IRX1: variants seen among roughly 807,000 people sequenced by gnomAD.
The protein encoded by IRX1 is iroquois-class homeodomain protein IRX-1.
In IRX1, 22 loss-of-function variants were observed where a neutral mutation model predicts 34.1. The ratio of observed to expected loss-of-function variants is 0.64; its 90% CI spans 0.46 to 0.92. The LOEUF is 0.92. Among genes scored for constraint, IRX1 ranks in the 40% least tolerant of loss-of-function variants. The pLI is 0.00. For synonymous variants in IRX1, 363 were observed against 319.0 expected (o/e 1.14, Z -1.47); for missense variants, 758 against 680.0 (o/e 1.11, Z -1.28).
chr5:3,599,638 T>A lies in IRX1; in HGVS notation c.690T>A (p.Ile230=), dbSNP rs1386076036. 6.2e-7 allele frequency: 1 copy of A among 1,613,268 alleles called. No individual in the cohort carries two copies. Among genetic ancestry groups the A allele is most frequent in the Non-Finnish European group, 8.5e-7 (1 of 1,179,938 alleles). The change falls in exon 2 of 4, where the codon ATT becomes ATA. Residue 230 remains isoleucine (I), a synonymous_variant. Coordinates refer to ENST00000302006, the MANE Select transcript of IRX1 (RefSeq NM_024337.4). The surrounding 1 kb of genome is among the most constrained non-coding windows in gnomAD (Gnocchi z 6.6). ...DEEIDLESID[I]DKIDEHDGDQ... is the part of the protein sequence containing the mutation. ...AGATCGACCTGGAAAGCATCGACAT[T>A]GACAAGATCGACGAGCACGATGGCG...
At position 3,600,043 on chromosome 5, in the gene IRX1, C is replaced by T. The variant is rs1733917810; in HGVS notation, c.1095C>T (p.Thr365=). The T allele has an allele frequency of 6.9e-6, 11 of 1,600,148 alleles. No homozygotes were observed. The highest frequency in any genetic ancestry group is 9.4e-6 in the Non-Finnish European group (11 of 1,172,338). The stretch of plus-strand genomic sequence containing the variant: ...TCCTGCCTAGCCACGGACTGTACAC[C>T]TGCCACATCGGCAAGTTCTCCAACT... ...PAFLPSHGLY[T]CHIGKFSNWT... is the part of the protein sequence containing the mutation. The change falls in exon 2 of 4, where the codon ACC becomes ACT. Residue 365 remains threonine (T), a synonymous_variant. Coordinates refer to ENST00000302006, the MANE Select transcript of IRX1 (RefSeq NM_024337.4).
rs754464271 is a variant in IRX1 at position 3,600,070 on chromosome 5, G to C, written c.1122G>C (p.Trp374Cys). 3 of 1,611,580 alleles carry C rather than the reference G, an allele frequency of 1.9e-6. No individual in the cohort carries two copies. The Admixed American group carries it at 5.0e-5, about 27-fold the overall frequency. ...GCCACATCGGCAAGTTCTCCAACTG[G>C]ACCAACAGCGCATTCCTCGCACAGG... is the stretch of plus-strand genomic sequence containing the variant. ...YTCHIGKFSN[W>C]TNSAFLAQGS... The change falls in exon 2 of 4, where the codon TGG (tryptophan) becomes TGC (cysteine). Residue 374 changes from tryptophan to cysteine, a missense_variant. Coordinates refer to ENST00000302006, the MANE Select transcript of IRX1 (RefSeq NM_024337.4).
At chr5:3,598,390 A>G (rs1398893439) in intron 1 of IRX1, among the ~76,000 whole-genome samples, 1 of 152,218 alleles carries the variant, frequency 6.6e-6, no homozygotes, top group African/African-American at 2.4e-5. Flanking sequence ...CCTCCAGATC[A>G]AAGTCAAACT....
At position 3,596,201 on chromosome 5, in the gene IRX1, T is replaced by C. The variant is rs1277290372; in HGVS notation, c.96T>C (p.Ala32=). 2 of 1,039,690 alleles carry C rather than the reference T, an allele frequency of 1.9e-6. No individual in the cohort carries two copies. Among genetic ancestry groups the C allele is most frequent in the African/African-American group, 3.5e-5 (2 of 57,648 alleles). 64.4% of individuals were successfully genotyped at this position (1,039,690 alleles called of 1,614,324 possible). A position where few individuals can be genotyped will look rare whatever the true frequency, so the allele number is the denominator to read the frequency against. ...GERPGVLAAA[A]AAAAAASSGR... ...GCCCGGGGGTGCTGGCCGCGGCCGC[T>C]GCGGCGGCTGCCGCCGCCTCGTCGG... The change falls in exon 1 of 4, where the codon GCT becomes GCC. Residue 32 remains alanine, a synonymous_variant. Transcript: ENST00000302006.
rs1743682306 is a variant in IRX1, at chr5:3,596,090, C to A, written c.-16C>A. 2 of 1,062,740 alleles carry A rather than the reference C, an allele frequency of 1.9e-6. No homozygotes were observed. Among genetic ancestry groups the A allele is most frequent in the Non-Finnish European group, 2.3e-6 (2 of 879,736 alleles). The allele number at this position is 1,062,740 out of a possible 1,614,324, so 65.8% of individuals were successfully genotyped here. A position where few individuals can be genotyped will look rare whatever the true frequency, so the allele number is the denominator to read the frequency against. ...TTTAATACTCGCCCGCTGCGGCGGT[C>A]GCCGAGTCCGCGGACATGTCCTTCC... On this transcript the variant is annotated 5_prime_UTR_variant, in exon 1 of 4. Coordinates refer to ENST00000302006, the MANE Select transcript of IRX1 (RefSeq NM_024337.4).
At chr5:3,597,759 G>T (rs1225060758) in intron 1 of IRX1, among the ~76,000 whole-genome samples, 1 of 152,142 alleles carries the variant, frequency 6.6e-6, no homozygotes, top group Non-Finnish European at 1.5e-5. Context: ...TTTTCTCTGC[G>T]GCCTCAGTCA....
At chr5:3,600,912 G>T in intron 3 of IRX1, 71 bp from the exon 4 acceptor site, 1 of 1,499,210 alleles carries the variant, frequency 6.7e-7, no homozygotes. Flanking sequence ...TACTGGAACC[G>T]GCGTCGCCCG....
At position 3,601,199 on chromosome 5, in the gene IRX1, T is replaced by C; in HGVS notation, c.*159T>C. 1.4e-6 allele frequency: 1 copy of C among 717,462 alleles called. No homozygotes were observed. The highest frequency in any genetic ancestry group is 2.3e-5 in the Admixed American group (1 of 43,710). The allele number at this position is 717,462 out of a possible 1,614,324, so 44.4% of individuals were successfully genotyped here. A position where few individuals can be genotyped will look rare whatever the true frequency, so the allele number is the denominator to read the frequency against. On this transcript the variant is annotated 3_prime_UTR_variant, in exon 4 of 4. Transcript: ENST00000302006. ...CCGTCGCTTTCTGCAGAAAGGGGCT[T>C]CTTCGGTCCCGAGCTCGCGTCCAGG...
At chr5:3,597,624 C>A (rs1458996583) in intron 1 of IRX1, among the ~76,000 whole-genome samples, 1 of 152,190 alleles carries the variant, frequency 6.6e-6, no homozygotes, top group Non-Finnish European at 1.5e-5. Context: ...GGTGTCCTTT[C>A]AAAAAGAATT....
intron 3 of IRX1, 44 bp downstream of exon 3, chr5:3,600,725 G>GA: frequency 6.4e-7 from 1 of 1,556,312 alleles, no homozygotes; most frequent in Non-Finnish European, 8.9e-7. Flanking sequence ...CGGTGGGGAG[G>GA]GGGGAGGAGG....
At position 3,595,989 on chromosome 5, in the gene IRX1, C is replaced by A; in HGVS notation, c.-117C>A. 2 of 632,182 alleles carry A rather than the reference C, an allele frequency of 3.2e-6. No homozygotes were observed. The highest frequency in any genetic ancestry group is 4.0e-6 in the Non-Finnish European group (2 of 505,668). 39.2% of individuals were successfully genotyped at this position (632,182 alleles called of 1,614,324 possible). Reference sequence around the variant, plus strand: ...GCCCGCCCGAGCGCGCCCGGCCGGCCGCCCGCTCCTCCCTAGACCCCTCGC... The same window carrying A: ...GCCCGCCCGAGCGCGCCCGGCCGGCAGCCCGCTCCTCCCTAGACCCCTCGC... On this transcript the variant is annotated 5_prime_UTR_variant, in exon 1 of 4. Transcript: ENST00000302006.
chr5:3,597,260 G>A (rs1414361151), intron 1 of IRX1, among the ~76,000 whole-genome samples: 2 of 152,186 alleles, frequency 1.3e-5, no homozygotes, highest in Admixed American at 1.3e-4. Context: ...CCTGTCTGCC[G>A]GTCCAAATCA....
chr5:3,600,835 G>C (rs921344495), intron 3 of IRX1, 148 bp from the exon 4 acceptor site: 75 of 1,134,454 alleles, frequency 6.6e-5, no homozygotes, highest in Non-Finnish European at 8.8e-5. Flanking sequence ...CGGGCGAGCC[G>C]AGGAGACTGG....
chr5:3,599,188 CCT>C lies in IRX1; in HGVS notation c.277-29_277-28del, dbSNP rs757774913. ...TCTCCCTTTCTCTCTCCACTTCCCTCCTCTCTCTCCTCGATGGATCTGCCCTG... is the reference window on the plus strand; with the variant it reads ...TCTCCCTTTCTCTCTCCACTTCCCTCCTCTCTCCTCGATGGATCTGCCCTG... On this transcript the variant is annotated intron_variant, in intron 1 of 3. Coordinates refer to ENST00000302006, the MANE Select transcript of IRX1 (RefSeq NM_024337.4). This position sits in a 1 kb window ranked among gnomAD's most constrained non-coding sequence, Gnocchi z 6.6. 2 of 1,577,266 alleles carry C rather than the reference CCT, an allele frequency of 1.3e-6. No individual in the cohort carries two copies. The highest frequency in any genetic ancestry group is 8.7e-7 in the Non-Finnish European group (1 of 1,155,130).
At chr5:3,600,834 C>A in intron 3 of IRX1, 149 bp from the exon 4 acceptor site, 1 of 1,143,496 alleles carries the variant, frequency 8.7e-7, no homozygotes, top group Admixed American at 1.9e-5. Flanking sequence ...CCGGGCGAGC[C>A]GAGGAGACTG....
At chr5:3,600,835 G>A (rs921344495) in intron 3 of IRX1, 148 bp from the exon 4 acceptor site, 4 of 1,134,574 alleles carry the variant, frequency 3.5e-6, no homozygotes, top group East Asian at 2.4e-5. Context: ...CGGGCGAGCC[G>A]AGGAGACTGG....
chr5:3,600,565 G>T lies in IRX1; in HGVS notation c.1313-44G>T, dbSNP rs771784432. 4 of 1,555,866 alleles carry T rather than the reference G, an allele frequency of 2.6e-6. No individual in the cohort carries two copies. In the Admixed American group the frequency reaches 5.0e-5, roughly 19 times the overall value. ...GGGAAGGAGGCCTGGGACCTCTCCC[G>T]CCCGTCTCTCCGTCCTAACTCTGCC... On this transcript the variant is annotated intron_variant, in intron 2 of 3. Coordinates refer to ENST00000302006, the MANE Select transcript of IRX1 (RefSeq NM_024337.4).
In IRX1 at chr5:3,599,814, C is replaced by T; in HGVS notation, c.866C>T (p.Pro289Leu). 3 of 1,578,262 alleles carry T rather than the reference C, an allele frequency of 1.9e-6. No homozygotes were observed. In the South Asian group the frequency reaches 3.4e-5, roughly 18 times the overall value. ...CCCTTGGGCCTGGCAAAGGAGGCCC[C>T]AGAGCCGGGCAGCACGCGCCTGCTG... ...DSPLGLAKEA[P>L]EPGSTRLLSP... The change falls in exon 2 of 4, where the codon CCA becomes CTA. Residue 289 changes from proline (P) to leucine (L), a missense_variant. By Grantham distance (98) the Pro-to-Leu change is moderately conservative (BLOSUM62 -3). This residue lies in a region of IRX1 where 529 missense variants were observed against 418.8 expected (regional missense o/e 1.26). Transcript: ENST00000302006. This position sits in a 1 kb window ranked among gnomAD's most constrained non-coding sequence, Gnocchi z 6.6.
intron 1 of IRX1, 40 bp downstream of exon 1, chr5:3,596,421 C>A: frequency 6.9e-7 from 1 of 1,446,998 alleles, no homozygotes; most frequent in Non-Finnish European, 9.1e-7. Flanking sequence ...CTCTGTCTCA[C>A]CCGCGCCAGG....
Sources: gnomAD v4.1 joint callset for allele counts (sites outside exome capture counted in the v4.1 genomes callset) on GRCh38, gnomAD v4.1.1 for gene constraint, gnomAD v4.1.1 regional missense constraint, Gnocchi (gnomAD v3.1) non-coding constraint, MANE v1.5 for transcripts, NCBI Gene and HGNC (gene_info 2026-07-23, HGNC 2026-07-21) for gene names.